Variants in CAMK1D observed in about 807,000 individuals in gnomAD.
The protein encoded by CAMK1D is calcium/calmodulin dependent protein kinase ID.
In CAMK1D, 9 loss-of-function variants were observed where a neutral mutation model predicts 47.7. The ratio of observed to expected loss-of-function variants is 0.19; its 90% confidence interval spans 0.11 to 0.33. The LOEUF (loss-of-function observed/expected upper bound fraction) is 0.33, where lower values mean the gene tolerates loss of function less well. CAMK1D is among the 10% of genes least tolerant of loss of function. The pLI is 1.00. For synonymous variants in CAMK1D, 184 were observed against 184.9 expected (o/e 0.99, Z 0.04); for missense variants, 291 against 488.7 (o/e 0.60, Z 3.81).
intron 1 of CAMK1D, among the ~76,000 whole-genome samples, chr10:12,379,844 C>T (rs1458719859): frequency 6.6e-6 from 1 of 152,118 alleles, no homozygotes; most frequent in Non-Finnish European, 1.5e-5. Flanking sequence ...CGACTCTACT[C>T]CTGGCTAAAT....
chr10:12,641,706 A>G (rs894011617), intron 2 of CAMK1D, among the ~76,000 whole-genome samples: 1 of 152,178 alleles, frequency 6.6e-6, no homozygotes, highest in African/African-American at 2.4e-5. Context: ...CTTGACAGAT[A>G]CTAAAAGTGT....
chr10:12,495,593 G>A (rs750952907), intron 1 of CAMK1D, among the ~76,000 whole-genome samples: 1 of 152,174 alleles, frequency 6.6e-6, no homozygotes, highest in Non-Finnish European at 1.5e-5. Flanking sequence ...TCATGTTTGT[G>A]TATTGCTCAT....
At chr10:12,679,274 A>G (rs560302119) in intron 3 of CAMK1D, among the ~76,000 whole-genome samples, 2 of 152,370 alleles carry the variant, frequency 1.3e-5, no homozygotes, top group African/African-American at 4.8e-5. Flanking sequence ...GAAGTCATAG[A>G]AAGTACATTA....
intron 1 of CAMK1D, among the ~76,000 whole-genome samples, chr10:12,387,687 G>T (rs1345301380): frequency 6.6e-6 from 1 of 150,418 alleles, no homozygotes; most frequent in Admixed American, 6.7e-5. Flanking sequence ...ATGGGTTCTC[G>T]CTATGTTGCT....
intron 1 of CAMK1D, among the ~76,000 whole-genome samples, chr10:12,446,829 G>A (rs1481073257): frequency 1.3e-5 from 2 of 152,196 alleles, no homozygotes; most frequent in Non-Finnish European, 2.9e-5. Context: ...CTTCCCTGCT[G>A]TCAGATACTG....
chr10:12,594,573 G>A (rs527659508), intron 2 of CAMK1D, among the ~76,000 whole-genome samples: 5 of 152,168 alleles, frequency 3.3e-5, no homozygotes, highest in Admixed American at 1.3e-4. Context: ...TGGGCTCTAC[G>A]TTTCTGTCCC....
At chr10:12,601,508 G>C (rs1838302546) in intron 2 of CAMK1D, among the ~76,000 whole-genome samples, 1 of 152,156 alleles carries the variant, frequency 6.6e-6, no homozygotes, top group Non-Finnish European at 1.5e-5. Context: ...CTATTGTCCA[G>C]GCTGGAGTGC....
At chr10:12,661,446 T>C (rs1482831503) in intron 2 of CAMK1D, among the ~76,000 whole-genome samples, 1 of 152,236 alleles carries the variant, frequency 6.6e-6, no homozygotes, top group East Asian at 1.9e-4. Context: ...GATCTTAGTC[T>C]CCTTCCTTAT....
intron 1 of CAMK1D, among the ~76,000 whole-genome samples, chr10:12,398,806 T>C (rs1226515682): frequency 6.6e-6 from 1 of 152,126 alleles, no homozygotes; most frequent in African/African-American, 2.4e-5. Flanking sequence ...TTTTTTTTCT[T>C]TCAGTTGTTT....
At chr10:12,676,677 T>C (rs948051997) in intron 3 of CAMK1D, among the ~76,000 whole-genome samples, 7 of 152,190 alleles carry the variant, frequency 4.6e-5, no homozygotes, top group African/African-American at 1.2e-4. Flanking sequence ...AGCAACCCAG[T>C]GTATGCCCTT....
rs1389620763 is a variant in CAMK1D, at chr10:12,401,052, ATTATATATATATT to A, written c.92+51154_92+51166del. On this transcript the variant is annotated intron_variant, in intron 1 of 10. Coordinates refer to ENST00000619168, the MANE Select transcript of CAMK1D (RefSeq NM_153498.4). Reference sequence around the variant, plus strand: ...ATATATAAATATATGTATTATATATATTATATATATATTTTATATATATAATATATGTATTATA... The same window carrying A: ...ATATATAAATATATGTATTATATATATTATATATATAATATATGTATTATA... Among the ~76,000 whole-genome samples the A allele has an allele frequency of 7.2e-4, 74 of 103,438 alleles. 2 individuals are homozygous for A. Among genetic ancestry groups the A allele is most frequent in the African/African-American group, 2.7e-3 (73 of 27,276 alleles). 67.9% of individuals were successfully genotyped at this position (103,438 alleles called of 152,430 possible). A position where few individuals can be genotyped will look rare whatever the true frequency, so the allele number is the denominator to read the frequency against.
chr10:12,770,039 A>G (rs1057066286), intron 5 of CAMK1D, among the ~76,000 whole-genome samples: 1 of 152,226 alleles, frequency 6.6e-6, no homozygotes, highest in African/African-American at 2.4e-5. Context: ...ATCCCATTTG[A>G]TTTGGTTGTG....
intron 6 of CAMK1D, among the ~76,000 whole-genome samples, chr10:12,793,014 C>CG: frequency 6.6e-6 from 1 of 151,936 alleles, no homozygotes; most frequent in Non-Finnish European, 1.5e-5. Flanking sequence ...ACCATTTTCT[C>CG]GGGGGGTGTG....
At chr10:12,736,859 C>G (rs1442807307) in intron 3 of CAMK1D, among the ~76,000 whole-genome samples, 1 of 152,172 alleles carries the variant, frequency 6.6e-6, no homozygotes, top group Admixed American at 6.5e-5. Context: ...GACAAATAGC[C>G]CCTGCGTTTC....
rs183031353 is a variant in CAMK1D, at chr10:12,384,048, T to C, written c.92+34138T>C. ...TCAGTATACAAAAATGAATTATATG[T>C]GTATATGCTAGCAAGGAAAAATAAA... On this transcript the variant is annotated intron_variant, in intron 1 of 10. Coordinates refer to ENST00000619168, the MANE Select transcript of CAMK1D (RefSeq NM_153498.4). Among the ~76,000 whole-genome samples, 7 of 152,268 alleles carry C rather than the reference T, an allele frequency of 4.6e-5. No individual in the cohort carries two copies. The East Asian group carries it at 1.3e-3, about 29-fold the overall frequency.
intron 3 of CAMK1D, among the ~76,000 whole-genome samples, chr10:12,732,647 G>A (rs550815847): frequency 7.1e-4 from 107 of 150,516 alleles, no homozygotes; most frequent in African/African-American, 2.5e-3. Flanking sequence ...GGAAAGATGG[G>A]CCCCCATTAT....
intron 1 of CAMK1D, among the ~76,000 whole-genome samples, chr10:12,387,390 T>TAATA (rs1564306892): frequency 9.4e-5 from 3 of 31,978 alleles, no homozygotes; most frequent in South Asian, 1.6e-3. Context: ...ATTATATATA[T>TAATA]TATATATTTT....
At chr10:12,619,772 T>G (rs911252106) in intron 2 of CAMK1D, among the ~76,000 whole-genome samples, 4 of 152,064 alleles carry the variant, frequency 2.6e-5, no homozygotes, top group Non-Finnish European at 4.4e-5. Context: ...GATATTGACA[T>G]TGATACAAGC....
chr10:12,411,840 C>T (rs921485572), intron 1 of CAMK1D, among the ~76,000 whole-genome samples: 4 of 151,476 alleles, frequency 2.6e-5, no homozygotes, highest in African/African-American at 7.3e-5. Flanking sequence ...GTGATCCGCC[C>T]GCCTCAGCCT....
Sources: gnomAD v4.1 joint callset for allele counts (sites outside exome capture counted in the v4.1 genomes callset) on GRCh38, gnomAD v4.1.1 for gene constraint, MANE v1.5 for transcripts, NCBI Gene and HGNC (gene_info 2026-07-23, HGNC 2026-07-21) for gene names.